The following MACROD1 variants were observed in gnomAD, a reference collection of about 807,000 sequenced individuals.
The protein encoded by MACROD1 is ADP-ribose glycohydrolase MACROD1.
A neutral mutation model predicts 41.4 loss-of-function variants in MACROD1; 31 were observed. The ratio of observed to expected loss-of-function variants is 0.75; its 90% CI spans 0.56 to 1.01. The LOEUF (loss-of-function observed/expected upper bound fraction) is 1.01, where lower values mean the gene tolerates loss of function less well. Among genes scored for constraint, MACROD1 ranks in the 50% least tolerant of loss-of-function variants. The probability of loss-of-function intolerance (pLI) is 0.00; values close to 1 mark genes in which losing one functional copy is unlikely to be tolerated. For synonymous variants in MACROD1, 252 were observed against 203.4 expected (o/e 1.24, Z -2.03); for missense variants, 473 against 460.0 (o/e 1.03, Z -0.26).
chr11:64,014,892 AGAT>A, intron 4 of MACROD1, among the ~76,000 whole-genome samples: 1 of 152,316 alleles, frequency 6.6e-6, no homozygotes. Context: ...GGCAGGGTAG[AGAT>A]GATAATTTTG....
At chr11:64,076,668 T>C (rs1209622645) in intron 3 of MACROD1, among the ~76,000 whole-genome samples, 1 of 152,192 alleles carries the variant, frequency 6.6e-6, no homozygotes, top group Admixed American at 6.5e-5. Context: ...CGAAATCGCC[T>C]AAGAACACAC....
chr11:64,096,226 G>A lies in MACROD1; in HGVS notation c.517+55013C>T, dbSNP rs1329453039. Among the ~76,000 whole-genome samples, 1 of 152,218 alleles carries A rather than the reference G, an allele frequency of 6.6e-6. No individual in the cohort carries two copies. Among genetic ancestry groups the A allele is most frequent in the African/African-American group, 2.4e-5 (1 of 41,454 alleles). The stretch of plus-strand genomic sequence containing the variant: ...CACTGTGACGGGCAGGCAGGGGGTC[G>A]AACAGCCACTGTTCTGCCGACAAAA... On this transcript the variant is annotated intron_variant, in intron 3 of 10. Coordinates refer to ENST00000255681, the MANE Select transcript of MACROD1 (RefSeq NM_014067.4). This position sits in a 1 kb window ranked among gnomAD's most constrained non-coding sequence, Gnocchi z 4.6.
At position 64,096,005 on chromosome 11, in the gene MACROD1, G is replaced by A. The variant is rs997115675; in HGVS notation, c.517+55234C>T. Among the ~76,000 whole-genome samples the A allele has an allele frequency of 6.6e-6, 1 of 152,232 alleles. No homozygotes were observed. Among genetic ancestry groups the A allele is most frequent in the Non-Finnish European group, 1.5e-5 (1 of 68,034 alleles). On this transcript the variant is annotated intron_variant, in intron 3 of 10. Transcript: ENST00000255681. This position sits in a 1 kb window ranked among gnomAD's most constrained non-coding sequence, Gnocchi z 4.6. Reference sequence around the variant, plus strand: ...CCCCCAGGGGCCCATGAGCCTGCAGGATATGTCGCGCTGCAGCCAGCACAG... The same window carrying A: ...CCCCCAGGGGCCCATGAGCCTGCAGAATATGTCGCGCTGCAGCCAGCACAG...
intron 3 of MACROD1, among the ~76,000 whole-genome samples, chr11:64,072,029 T>C (rs1004670826): frequency 7.9e-5 from 12 of 152,210 alleles, no homozygotes; most frequent in African/African-American, 2.9e-4. Context: ...AAACGCACTA[T>C]TGACCGCCGC....
chr11:64,011,460 G>C (rs886192909), intron 4 of MACROD1, among the ~76,000 whole-genome samples: 1 of 151,874 alleles, frequency 6.6e-6, no homozygotes, highest in Non-Finnish European at 1.5e-5. Flanking sequence ...GCCAGACTGA[G>C]AGCTGTGTCC....
intron 3 of MACROD1, among the ~76,000 whole-genome samples, chr11:64,018,292 G>A (rs974758737): frequency 1.3e-5 from 2 of 152,160 alleles, no homozygotes; most frequent in African/African-American, 4.8e-5. Flanking sequence ...CGGGTGGGGG[G>A]GCTCTGGGGG....
At chr11:64,012,372 C>G (rs1434500859) in intron 4 of MACROD1, among the ~76,000 whole-genome samples, 1 of 152,034 alleles carries the variant, frequency 6.6e-6, no homozygotes, top group Non-Finnish European at 1.5e-5. Flanking sequence ...AGGGTCATCT[C>G]CACCTTTACC....
At chr11:64,080,153 C>T (rs1944277685) in intron 3 of MACROD1, among the ~76,000 whole-genome samples, 1 of 152,180 alleles carries the variant, frequency 6.6e-6, no homozygotes, top group Non-Finnish European at 1.5e-5. Context: ...GCGGGGATTA[C>T]AGGCGTGCGC....
chr11:64,089,112 C>T (rs1196492305), intron 3 of MACROD1, among the ~76,000 whole-genome samples: 6 of 152,282 alleles, frequency 3.9e-5, no homozygotes, highest in East Asian at 1.9e-4. Context: ...TGAACCCAGC[C>T]GGAAGGCAGG....
rs548991525 is a variant in MACROD1, at chr11:64,007,122, A to C, written c.548-6779T>G. ...TGGGGCTCCCTGCAGCCTCCCTCTC[A>C]GATGAATTCACTGCCTCCCGCGCCC... On this transcript the variant is annotated intron_variant, in intron 4 of 10. Transcript: ENST00000255681. Among the ~76,000 whole-genome samples the C allele has an allele frequency of 2.6e-5, 4 of 152,332 alleles. No individual in the cohort carries two copies. In the South Asian group the frequency reaches 8.3e-4, roughly 32 times the overall value.
intron 3 of MACROD1, among the ~76,000 whole-genome samples, chr11:64,129,832 G>T (rs1945239829): frequency 6.6e-6 from 1 of 152,124 alleles, no homozygotes; most frequent in Admixed American, 6.5e-5. Flanking sequence ...GGAGTTGGAG[G>T]CTCAGCCAGG....
chr11:64,045,771 G>C (rs1034253915), intron 3 of MACROD1, among the ~76,000 whole-genome samples: 1 of 152,220 alleles, frequency 6.6e-6, no homozygotes, highest in Non-Finnish European at 1.5e-5. Flanking sequence ...TGGGGGATGA[G>C]AAGGAATTCA....
intron 3 of MACROD1, among the ~76,000 whole-genome samples, chr11:64,035,350 A>C (rs938947408): frequency 2.0e-5 from 3 of 152,150 alleles, no homozygotes; most frequent in African/African-American, 7.2e-5. Flanking sequence ...CATGCAGAGT[A>C]GGCGGTGGGT....
chr11:64,152,935 C>G (rs892224351), intron 1 of MACROD1, among the ~76,000 whole-genome samples: 1 of 152,232 alleles, frequency 6.6e-6, no homozygotes, highest in Non-Finnish European at 1.5e-5. Context: ...CCCAACATCC[C>G]CCCCGGCAGC....
At chr11:63,999,464 C>G in intron 7 of MACROD1, 60 bp from the exon 8 acceptor site, 1 of 1,564,136 alleles carries the variant, frequency 6.4e-7, no homozygotes, top group Non-Finnish European at 8.7e-7. Context: ...CCCCTGTCCG[C>G]CCCGGCCCCT....
intron 3 of MACROD1, among the ~76,000 whole-genome samples, chr11:64,041,147 C>T (rs1416434347): frequency 1.4e-5 from 2 of 139,906 alleles, no homozygotes; most frequent in Non-Finnish European, 3.0e-5. Context: ...CCTTTCCCTC[C>T]TTCTGCCTGA....
chr11:64,077,640 C>T lies in MACROD1; in HGVS notation c.518-62359G>A, dbSNP rs562883575. Among the ~76,000 whole-genome samples the T allele has an allele frequency of 1.1e-4, 17 of 152,270 alleles. No individual in the cohort carries two copies. The East Asian group carries it at 1.2e-3, about 10-fold the overall frequency. On this transcript the variant is annotated intron_variant, in intron 3 of 10. Transcript: ENST00000255681. ...CACACGAACAGAACTCATAGATGGA[C>T]GCTCAGAGGCACATGCTGGCACACC...
intron 3 of MACROD1, among the ~76,000 whole-genome samples, chr11:64,123,010 G>T (rs376314431): frequency 6.6e-6 from 1 of 152,256 alleles, no homozygotes; most frequent in African/African-American, 2.4e-5. Context: ...CCAGAGAGGA[G>T]GCTGGGGCTT....
intron 4 of MACROD1, among the ~76,000 whole-genome samples, chr11:64,013,393 C>T (rs976579029): frequency 6.6e-6 from 1 of 152,196 alleles, no homozygotes; most frequent in African/African-American, 2.4e-5. Context: ...GGAGCAGCCG[C>T]GTGGACAACT....
Sources: allele counts gnomAD v4.1 joint callset (sites outside exome capture counted in the v4.1 genomes callset), GRCh38; gene constraint gnomAD v4.1.1; non-coding constraint Gnocchi (gnomAD v3.1); transcripts MANE v1.5; gene names NCBI Gene and HGNC (gene_info 2026-07-23, HGNC 2026-07-21).